The following SRGAP3 variants were observed in gnomAD, a reference collection of about 807,000 sequenced individuals.
The protein encoded by SRGAP3 is SLIT-ROBO Rho GTPase activating protein 3, also known as SLIT-ROBO Rho GTPase-activating protein 3.
In SRGAP3, 39 loss-of-function variants were observed where a neutral mutation model predicts 121.1. The observed-to-expected ratio is 0.32, with a 90% CI of 0.25 to 0.42. SRGAP3 has a LOEUF of 0.42. Among genes scored for constraint, SRGAP3 ranks in the 10% least tolerant of loss-of-function variants. SRGAP3 has a pLI of 1.00. For synonymous variants in SRGAP3, 601 were observed against 570.0 expected (o/e 1.05, Z -0.77); for missense variants, 1,213 against 1,470.6 (o/e 0.82, Z 2.86).
Position 9,249,324 on chromosome 3 carries a change from C to T in SRGAP3, c.-373G>A, listed in dbSNP as rs116177880. ...GTACACACACTCACGCATGCACAGG[C>T]ACACTCACCGGGACACGCACACAGT... is the stretch of plus-strand genomic sequence containing the variant. On this transcript the variant is annotated 5_prime_UTR_variant, in exon 1 of 22. Transcript: ENST00000383836. 2,336 of 430,172 alleles carry T rather than the reference C, an allele frequency of 5.4e-3. 49 individuals are homozygous for T. Among genetic ancestry groups the T allele is most frequent in the African/African-American group, 0.04 (2,012 of 50,812 alleles). 26.6% of individuals were successfully genotyped at this position (430,172 alleles called of 1,614,324 possible).
chr3:9,091,029 TA>T (rs61427242), intron 3 of SRGAP3, among the ~76,000 whole-genome samples: 54,810 of 150,434 alleles, frequency 0.36, 10,869 homozygotes, highest in Non-Finnish European at 0.46. Flanking sequence ...TCTCTATGTC[TA>T]AAAAAAAAAT....
At chr3:9,069,145 A>G (rs975296299) in intron 4 of SRGAP3, among the ~76,000 whole-genome samples, 1 of 151,998 alleles carries the variant, frequency 6.6e-6, no homozygotes, top group Non-Finnish European at 1.5e-5. Flanking sequence ...CTTTCCTTGT[A>G]CCCCTTTCTC....
At chr3:9,059,048 C>T (rs921273075) in intron 6 of SRGAP3, 9 of 155,612 alleles carry the variant, frequency 5.8e-5, no homozygotes, top group African/African-American at 2.2e-4. Context: ...TCCCCTCTGC[C>T]TGGAATACCC....
intron 1 of SRGAP3, among the ~76,000 whole-genome samples, chr3:9,167,296 G>C (rs1950822992): frequency 6.6e-6 from 1 of 152,116 alleles, no homozygotes; most frequent in Non-Finnish European, 1.5e-5. Flanking sequence ...AAGACACAGA[G>C]GCCCTGACTC....
At chr3:9,101,698 G>A (rs1256426866) in intron 3 of SRGAP3, among the ~76,000 whole-genome samples, 2 of 152,182 alleles carry the variant, frequency 1.3e-5, no homozygotes, top group African/African-American at 4.8e-5. Flanking sequence ...CTGAAGCCCC[G>A]CATGCCCGAA....
intron 1 of SRGAP3, among the ~76,000 whole-genome samples, chr3:9,165,997 A>T (rs1950773433): frequency 6.6e-6 from 1 of 152,146 alleles, no homozygotes; most frequent in African/African-American, 2.4e-5. Flanking sequence ...TTCACTTATC[A>T]CTGTATCGCC....
At chr3:9,299,051 CAAA>C (rs71049787) in intron 3 of SRGAP3, among the ~76,000 whole-genome samples, 3 of 70,392 alleles carry the variant, frequency 4.3e-5, no homozygotes, top group Non-Finnish European at 2.6e-5. Context: ...GACTCCATCT[CAAA>C]AAAAAAAAAA....
intron 3 of SRGAP3, among the ~76,000 whole-genome samples, chr3:9,299,731 G>A (rs1204793383): frequency 6.6e-6 from 1 of 152,066 alleles, no homozygotes; most frequent in African/African-American, 2.4e-5. Flanking sequence ...CCAACATGGT[G>A]AAACCCCATC....
intron 5 of SRGAP3, among the ~76,000 whole-genome samples, chr3:9,062,477 A>T (rs1018019931): frequency 2.0e-5 from 3 of 152,236 alleles, no homozygotes; most frequent in Middle Eastern, 3.4e-3. Flanking sequence ...CTAACTTTAG[A>T]ATATTTTCAT....
chr3:9,060,428 C>CATTTTT, intron 5 of SRGAP3, 69 bp from the exon 6 acceptor site: 7 of 1,175,376 alleles, frequency 6.0e-6, no homozygotes, highest in Non-Finnish European at 7.8e-6. Context: ...TTTTCTATTC[C>CATTTTT]TTTTTTTTTT....
In SRGAP3 at chr3:8,985,778, T is replaced by C. The variant is rs1461487154; in HGVS notation, c.3041A>G (p.His1014Arg). ...PVSSEPASPLHTIVIRDPDAA... is the reference protein window; with the variant it reads ...PVSSEPASPLRTIVIRDPDAA... ...ATCGGGGTCGCGGATGACGATGGTG[T>C]GAAGGGGACTGGCGGGCTCCGAGCT... is the stretch of plus-strand genomic sequence containing the variant. Residue 1014 changes from histidine to arginine, a missense_variant, in exon 22 of 22, where the codon CAC becomes CGC. By Grantham distance (29) the His-to-Arg change is conservative. Coordinates refer to ENST00000383836, the MANE Select transcript of SRGAP3 (RefSeq NM_014850.4). This position sits in a 1 kb window ranked among gnomAD's most constrained non-coding sequence, Gnocchi z 5.1. 1 of 1,599,810 alleles carries C rather than the reference T, an allele frequency of 6.3e-7. No homozygotes were observed.
chr3:9,343,980 TC>T (rs1364635616), intron 1 of SRGAP3, among the ~76,000 whole-genome samples: 15 of 152,202 alleles, frequency 9.9e-5, no homozygotes, highest in African/African-American at 3.4e-4. Context: ...TAAAAATTAG[TC>T]TTGGGAACAA....
At chr3:9,279,069 G>C (rs1262867930) in intron 3 of SRGAP3, among the ~76,000 whole-genome samples, 1 of 151,950 alleles carries the variant, frequency 6.6e-6, no homozygotes, top group Non-Finnish European at 1.5e-5. Context: ...AGCCTGGGAG[G>C]CCAAGACTGC....
chr3:9,011,613 C>T (rs1943379900), intron 17 of SRGAP3, among the ~76,000 whole-genome samples: 1 of 152,202 alleles, frequency 6.6e-6, no homozygotes, highest in South Asian at 2.1e-4. Flanking sequence ...TCCTGATTTC[C>T]CTAGATCGGC....
chr3:8,981,309 C>T lies in SRGAP3; in HGVS notation c.*4210G>A, dbSNP rs540722554. 2.6e-5 allele frequency: 6 copies of T among 233,092 alleles called. No individual in the cohort carries two copies. The highest frequency in any genetic ancestry group is 5.1e-5 in the Non-Finnish European group (6 of 117,956). 14.4% of individuals were successfully genotyped at this position (233,092 alleles called of 1,614,324 possible). On this transcript the variant is annotated 3_prime_UTR_variant, in exon 22 of 22. Transcript: ENST00000383836. ...TCAGCTAGGCAACACCTCGGCTCAC[C>T]CCTTTCTGCCTTTCCTCCTGGCCGC...
chr3:8,999,512 C>T lies in SRGAP3; in HGVS notation c.2228-4989G>A, dbSNP rs571765134. ...CATGAAAGAGGGGATGGCTCCATTC[C>T]TCTCAATACCACTTATGTCCCTCTG... On this transcript the variant is annotated intron_variant, in intron 18 of 21. Coordinates refer to ENST00000383836, the MANE Select transcript of SRGAP3 (RefSeq NM_014850.4). Among the ~76,000 whole-genome samples, 3 of 152,328 alleles carry T rather than the reference C, an allele frequency of 2.0e-5. No homozygotes were observed. In the East Asian group the frequency reaches 5.8e-4, roughly 29 times the overall value.
chr3:9,025,405 G>A, intron 13 of SRGAP3, 67 bp from the exon 14 acceptor site: 4 of 1,504,562 alleles, frequency 2.7e-6, no homozygotes, highest in Middle Eastern at 3.4e-4. Flanking sequence ...TAGACTACCG[G>A]GAATATCAGT....
intron 2 of SRGAP3, among the ~76,000 whole-genome samples, chr3:9,123,728 A>G (rs201015474): frequency 3.7e-5 from 4 of 109,522 alleles, no homozygotes; most frequent in Non-Finnish European, 5.5e-5. Flanking sequence ...ATATATATGT[A>G]TATATGTGTG....
intron 14 of SRGAP3, among the ~76,000 whole-genome samples, chr3:9,024,653 T>C (rs575525027): frequency 6.6e-6 from 1 of 152,288 alleles, no homozygotes; most frequent in South Asian, 2.1e-4. Context: ...CATATCCTTG[T>C]TTAAATCAAA....
Sources: allele counts gnomAD v4.1 joint callset (sites outside exome capture counted in the v4.1 genomes callset), GRCh38; gene constraint gnomAD v4.1.1; non-coding constraint Gnocchi (gnomAD v3.1); transcripts MANE v1.5; gene names NCBI Gene and HGNC (gene_info 2026-07-23, HGNC 2026-07-21).